Variants in GPR158 observed in about 807,000 individuals in gnomAD.
GPR158 encodes G protein-coupled receptor 158.
Under a neutral mutation model 78.2 loss-of-function variants are expected in GPR158, and 30 were observed. The observed-to-expected ratio is 0.38, with a 90% CI of 0.29 to 0.52. The LOEUF (loss-of-function observed/expected upper bound fraction) is 0.52. Ranked by LOEUF, GPR158 falls within the 20% of genes least tolerant of loss-of-function variation. The pLI, the probability that GPR158 is intolerant of heterozygous loss-of-function variation, is 0.83. For synonymous variants in GPR158, 581 were observed against 591.1 expected (o/e 0.98, Z 0.25); for missense variants, 1,463 against 1,523.5 (o/e 0.96, Z 0.66).
chr10:25,281,694 A>G (rs962597863), intron 2 of GPR158, among the ~76,000 whole-genome samples: 1 of 152,172 alleles, frequency 6.6e-6, no homozygotes, highest in Non-Finnish European at 1.5e-5. Context: ...AAATCAATGA[A>G]GTATGTAACT....
Position 25,555,197 on chromosome 10 carries a change from C to A in GPR158, c.1514+4112C>A, listed in dbSNP as rs12770279. ...TTCTTTTGGCTTAGGATTGACTTGGCGATGTGGGCTCTTTTTTGGTTCCAT... is the reference window on the plus strand; with the variant it reads ...TTCTTTTGGCTTAGGATTGACTTGGAGATGTGGGCTCTTTTTTGGTTCCAT... On this transcript the variant is annotated intron_variant, in intron 6 of 10. Transcript: ENST00000376351. 3.3e-5 allele frequency among the ~76,000 whole-genome samples: 5 copies of A among 152,092 alleles called. No individual in the cohort carries two copies. In the South Asian group the frequency reaches 8.3e-4, roughly 25 times the overall value.
At chr10:25,386,533 T>C (rs1293605450) in intron 2 of GPR158, among the ~76,000 whole-genome samples, 3 of 152,206 alleles carry the variant, frequency 2.0e-5, no homozygotes, top group Non-Finnish European at 4.4e-5. Flanking sequence ...TTGAATAGTA[T>C]GGATATTTTA....
chr10:25,278,070 T>G (rs1447998121), intron 2 of GPR158, among the ~76,000 whole-genome samples: 1 of 152,112 alleles, frequency 6.6e-6, no homozygotes. Flanking sequence ...TTTAGCCAAA[T>G]AATATGTGAT....
At chr10:25,597,500 A>G (rs1837425204) in intron 10 of GPR158, among the ~76,000 whole-genome samples, 1 of 152,204 alleles carries the variant, frequency 6.6e-6, no homozygotes, top group South Asian at 2.1e-4. Context: ...TACAAATCAG[A>G]AAAGTACAAA....
intron 2 of GPR158, among the ~76,000 whole-genome samples, chr10:25,389,024 C>A (rs1420817308): frequency 6.6e-6 from 1 of 152,228 alleles, no homozygotes; most frequent in Non-Finnish European, 1.5e-5. Flanking sequence ...GAGGGAGGCC[C>A]AGTGGGTGCT....
At chr10:25,428,633 A>G (rs1175888427) in intron 4 of GPR158, among the ~76,000 whole-genome samples, 3 of 152,094 alleles carry the variant, frequency 2.0e-5, no homozygotes, top group African/African-American at 4.8e-5. Flanking sequence ...TTAATATCCT[A>G]TGTGTATTTG....
intron 1 of GPR158, among the ~76,000 whole-genome samples, chr10:25,196,828 G>C (rs1356736207): frequency 6.6e-6 from 1 of 152,202 alleles, no homozygotes; most frequent in Non-Finnish European, 1.5e-5. Context: ...GGCAACTCAT[G>C]TATCTGTTTA....
At chr10:25,267,158 AG>A (rs1261098560) in intron 2 of GPR158, among the ~76,000 whole-genome samples, 1 of 152,178 alleles carries the variant, frequency 6.6e-6, no homozygotes, top group African/African-American at 2.4e-5. Context: ...CATAACAATC[AG>A]GGTGTATTAG....
intron 2 of GPR158, among the ~76,000 whole-genome samples, chr10:25,275,840 T>C (rs1490122089): frequency 6.6e-6 from 1 of 152,170 alleles, no homozygotes; most frequent in Non-Finnish European, 1.5e-5. Flanking sequence ...AAGATCATAC[T>C]CCTAATTATT....
At chr10:25,518,548 G>A (rs1323581287) in intron 5 of GPR158, among the ~76,000 whole-genome samples, 21 of 69,984 alleles carry the variant, frequency 3.0e-4, no homozygotes, top group African/African-American at 1.3e-3. Context: ...CTTTGAATGC[G>A]TCCCAGAGAT....
chr10:25,266,581 A>G (rs1588766234), intron 2 of GPR158, among the ~76,000 whole-genome samples: 1 of 152,250 alleles, frequency 6.6e-6, no homozygotes, highest in Non-Finnish European at 1.5e-5. Flanking sequence ...CTTTTTTTAC[A>G]TTCTAAGCTT....
At chr10:25,396,120 T>C (rs1247841853) in intron 3 of GPR158, 107 bp downstream of exon 3, 3 of 547,824 alleles carry the variant, frequency 5.5e-6, no homozygotes, top group Middle Eastern at 4.7e-4. Context: ...GAATAATCAT[T>C]GGTTTGGCAT....
chr10:25,235,606 A>G (rs1375491908), intron 2 of GPR158, among the ~76,000 whole-genome samples: 1 of 151,098 alleles, frequency 6.6e-6, no homozygotes, highest in African/African-American at 2.4e-5. Flanking sequence ...GATTCAAACC[A>G]CCCATATTTC....
intron 2 of GPR158, among the ~76,000 whole-genome samples, chr10:25,262,562 T>G (rs888668699): frequency 6.6e-6 from 1 of 152,130 alleles, no homozygotes; most frequent in African/African-American, 2.4e-5. Context: ...TTTGCAAAAT[T>G]AATAAACATT....
rs899084975 is a variant in GPR158, at chr10:25,349,531, C to A, written c.1009-46380C>A. On this transcript the variant is annotated intron_variant, in intron 2 of 10. Coordinates refer to ENST00000376351, the MANE Select transcript of GPR158 (RefSeq NM_020752.3). Reference sequence around the variant, plus strand: ...TCTCATAATAGTGAGTGAGTTCTCACAAGATCTGATTGTTTAAAAGTGTGT... The same window carrying A: ...TCTCATAATAGTGAGTGAGTTCTCAAAAGATCTGATTGTTTAAAAGTGTGT... 4.8e-4 allele frequency among the ~76,000 whole-genome samples: 71 copies of A among 146,416 alleles called. 9 individuals are homozygous for A. Among genetic ancestry groups the A allele is most frequent in the African/African-American group, 1.9e-3 (70 of 36,334 alleles).
intron 4 of GPR158, among the ~76,000 whole-genome samples, chr10:25,435,497 A>C (rs964007305): frequency 6.6e-6 from 1 of 152,156 alleles, no homozygotes; most frequent in Non-Finnish European, 1.5e-5. Context: ...GAAGGCACCC[A>C]AGTGTGAAGC....
chr10:25,196,605 A>G (rs1481473201), intron 1 of GPR158, among the ~76,000 whole-genome samples: 2 of 152,232 alleles, frequency 1.3e-5, no homozygotes, highest in Non-Finnish European at 2.9e-5. Flanking sequence ...TCCTCAACAG[A>G]TCTCTGCCTT....
chr10:25,248,972 G>T (rs1479071329), intron 2 of GPR158, among the ~76,000 whole-genome samples: 1 of 150,108 alleles, frequency 6.7e-6, no homozygotes, highest in East Asian at 2.0e-4. Flanking sequence ...CCATTTGTTT[G>T]TATCCTCTTT....
chr10:25,295,823 C>G (rs1854504449), intron 2 of GPR158, among the ~76,000 whole-genome samples: 1 of 152,108 alleles, frequency 6.6e-6, no homozygotes, highest in African/African-American at 2.4e-5. Context: ...GGAGAACATT[C>G]TGTTTGCCTA....
Sources: gnomAD v4.1 joint callset for allele counts (sites outside exome capture counted in the v4.1 genomes callset) on GRCh38, gnomAD v4.1.1 for gene constraint, MANE v1.5 for transcripts, NCBI Gene and HGNC (gene_info 2026-07-23, HGNC 2026-07-21) for gene names.